The following PPHLN1 variants were observed in gnomAD, a reference collection of about 807,000 sequenced individuals.
PPHLN1 encodes periphilin-1.
PPHLN1 carries 29 observed loss-of-function variants against 51.3 expected under a neutral mutation model. The observed-to-expected ratio is 0.57, with a 90% CI of 0.42 to 0.77. The LOEUF (loss-of-function observed/expected upper bound fraction) is 0.77. Among genes scored for constraint, PPHLN1 ranks in the 30% least tolerant of loss-of-function variants. The probability of loss-of-function intolerance (pLI) is 0.00; values close to 1 mark genes in which losing one functional copy is unlikely to be tolerated. For missense variants in PPHLN1, 436 were observed against 438.4 expected (o/e 0.99, Z 0.05); for synonymous variants, 147 against 147.8 (o/e 0.99, Z 0.04).
At position 42,351,999 on chromosome 12, in the gene PPHLN1, G is replaced by A; in HGVS notation, c.187G>A (p.Glu63Lys). Reference sequence around the variant, plus strand: ...TCATGTTGATTACCGAGACTATGACGAGGGCCGCAGTTTTTCTCATGATCG... The same window carrying A: ...TCATGTTGATTACCGAGACTATGACAAGGGCCGCAGTTTTTCTCATGATCG... ...YSHVDYRDYD[E>K]GRSFSHDRRS... is the part of the protein sequence containing the mutation. Residue 63 changes from glutamate (E) to lysine (K), a missense_variant, in exon 3 of 10, where the codon GAG (glutamate) becomes AAG (lysine). By Grantham distance (56) the Glu-to-Lys change is moderately conservative. Coordinates refer to ENST00000358314, the MANE Select transcript of PPHLN1 (RefSeq NM_201439.2). The A allele has an allele frequency of 1.3e-6, 2 of 1,556,262 alleles. No individual in the cohort carries two copies. The highest frequency in any genetic ancestry group is 1.7e-6 in the Non-Finnish European group (2 of 1,157,266).
At chr12:42,408,114 T>G (rs1418317168) in intron 9 of PPHLN1, among the ~76,000 whole-genome samples, 1 of 152,226 alleles carries the variant, frequency 6.6e-6, no homozygotes, top group Non-Finnish European at 1.5e-5. Flanking sequence ...TATTCTTTAT[T>G]AATAATTTTC....
chr12:42,414,273 G>C (rs2080166721), intron 9 of PPHLN1, among the ~76,000 whole-genome samples: 1 of 152,074 alleles, frequency 6.6e-6, no homozygotes, highest in Non-Finnish European at 1.5e-5. Flanking sequence ...GACCTCAGGT[G>C]ATCCACCAGC....
At chr12:42,355,451 T>C (rs1199666139) in intron 4 of PPHLN1, 13 of 421,202 alleles carry the variant, frequency 3.1e-5, no homozygotes, top group East Asian at 9.4e-5. Context: ...TTTAAAAATA[T>C]TTGGGCCTGG....
chr12:42,338,189 A>G (rs1480151337), intron 2 of PPHLN1, among the ~76,000 whole-genome samples: 1 of 152,168 alleles, frequency 6.6e-6, no homozygotes, highest in African/African-American at 2.4e-5. Context: ...GGCCTCTCAA[A>G]GTGCTGGGAT....
At chr12:42,326,968 G>A (rs2068879279) in intron 1 of PPHLN1, among the ~76,000 whole-genome samples, 1 of 152,192 alleles carries the variant, frequency 6.6e-6, no homozygotes, top group Admixed American at 6.5e-5. Context: ...TATAGAGACG[G>A]AAGTACAATC....
chr12:42,376,809 GTAAA>G (rs1248516539), intron 5 of PPHLN1, among the ~76,000 whole-genome samples: 13 of 151,948 alleles, frequency 8.6e-5, no homozygotes, highest in Admixed American at 7.2e-4. Flanking sequence ...AAATAAATAA[GTAAA>G]TAAATAAGCC....
At chr12:42,348,068 T>C (rs900568519) in intron 2 of PPHLN1, among the ~76,000 whole-genome samples, 2 of 152,054 alleles carry the variant, frequency 1.3e-5, no homozygotes, top group East Asian at 1.9e-4. Context: ...AGAGCTGTCA[T>C]TGAATTTTTG....
At position 42,436,421 on chromosome 12, in the gene PPHLN1, G is replaced by A. The variant is rs73126423; in HGVS notation, c.910-4894G>A. Among the ~76,000 whole-genome samples, 127 of 152,276 alleles carry A rather than the reference G, an allele frequency of 8.3e-4. 1 individual carries two copies. Among genetic ancestry groups the A allele is most frequent in the Non-Finnish European group, 1.4e-3 (95 of 68,018 alleles). On this transcript the variant is annotated intron_variant, in intron 9 of 9. Coordinates refer to ENST00000358314, the MANE Select transcript of PPHLN1 (RefSeq NM_201439.2). ...TAAAATCAATCTCTTCCTCACTTGC[G>A]TTTATTTCTTCAGAAGTCCAGACTC...
At chr12:42,402,134 C>T (rs543715765) in intron 9 of PPHLN1, among the ~76,000 whole-genome samples, 61 of 152,292 alleles carry the variant, frequency 4.0e-4, no homozygotes, top group Non-Finnish European at 6.3e-4. Context: ...CCACCGCACC[C>T]GGCCCATTCT....
At chr12:42,411,704 A>G (rs926874068) in intron 9 of PPHLN1, among the ~76,000 whole-genome samples, 1 of 150,542 alleles carries the variant, frequency 6.6e-6, no homozygotes, top group Non-Finnish European at 1.5e-5. Context: ...CAGGAGTTCA[A>G]GACCAGCCTG....
At chr12:42,347,504 G>C (rs1176472596) in intron 2 of PPHLN1, among the ~76,000 whole-genome samples, 1 of 152,190 alleles carries the variant, frequency 6.6e-6, no homozygotes. Context: ...AAAGGGGCGG[G>C]CGCAGTGGCT....
chr12:42,445,536 T>C (rs1371022276), downstream of PPHLN1: 8 of 191,380 alleles, frequency 4.2e-5, no homozygotes, highest in Non-Finnish European at 6.5e-5. Flanking sequence ...GTCCACCCCA[T>C]CTGTCATTAA....
chr12:42,407,224 A>G (rs1400427811), intron 9 of PPHLN1, among the ~76,000 whole-genome samples: 1 of 152,214 alleles, frequency 6.6e-6, no homozygotes, highest in African/African-American at 2.4e-5. Context: ...CTCAGAGACA[A>G]TAAACAAAGC....
intron 9 of PPHLN1, among the ~76,000 whole-genome samples, chr12:42,433,940 A>G (rs2082262277): frequency 6.6e-6 from 1 of 152,102 alleles, no homozygotes; most frequent in African/African-American, 2.4e-5. Flanking sequence ...CACACAATAA[A>G]ATTTATTTTA....
intron 9 of PPHLN1, among the ~76,000 whole-genome samples, chr12:42,424,314 A>G (rs910895430): frequency 3.9e-5 from 6 of 152,340 alleles, no homozygotes; most frequent in Non-Finnish European, 8.8e-5. Context: ...TTCTCATGTA[A>G]CAGGACAGAA....
At chr12:42,445,631 A>G (rs183724251), downstream of PPHLN1, 169 of 211,610 alleles carry the variant, frequency 8.0e-4, no homozygotes, top group African/African-American at 3.7e-3. Context: ...TCACTCAACA[A>G]TTTTGTCACA....
At chr12:42,412,951 C>T (rs189893694) in intron 9 of PPHLN1, among the ~76,000 whole-genome samples, 259 of 152,106 alleles carry the variant, frequency 1.7e-3, no homozygotes, top group African/African-American at 5.9e-3. Flanking sequence ...TGTCATTTGC[C>T]CACCTTTTGA....
At chr12:42,410,815 A>C (rs2079744751) in intron 9 of PPHLN1, among the ~76,000 whole-genome samples, 1 of 152,248 alleles carries the variant, frequency 6.6e-6, no homozygotes, top group African/African-American at 2.4e-5. Context: ...CATATGACTA[A>C]AATATTTATT....
intron 5 of PPHLN1, among the ~76,000 whole-genome samples, chr12:42,378,550 A>G (rs2076499086): frequency 6.6e-6 from 1 of 152,108 alleles, no homozygotes; most frequent in Admixed American, 6.5e-5. Context: ...GTAAAATATT[A>G]TTATAAGTAT....
Sources: allele counts gnomAD v4.1 joint callset (sites outside exome capture counted in the v4.1 genomes callset), GRCh38; gene constraint gnomAD v4.1.1; transcripts MANE v1.5; gene names NCBI Gene and HGNC (gene_info 2026-07-23, HGNC 2026-07-21).